Variants in BIN3 observed in about 807,000 individuals in gnomAD.
BIN3 encodes the protein bridging integrator 3.
In BIN3, 41 loss-of-function variants were observed where a neutral mutation model predicts 38.2. The ratio of observed to expected loss-of-function variants is 1.07; its 90% CI spans 0.84 to 1.39. The LOEUF (loss-of-function observed/expected upper bound fraction) is 1.39. BIN3 is among the 40% of genes most tolerant of loss of function. The pLI, the probability that BIN3 is intolerant of heterozygous loss-of-function variation, is 0.00. For synonymous variants in BIN3, 145 were observed against 122.6 expected, an observed-to-expected ratio of 1.18 and a Z score of -1.21; for missense variants, 361 against 324.3, an observed-to-expected ratio of 1.11 and a Z score of -0.87.
At chr8:22,654,696 C>T (rs1803003277) in intron 1 of BIN3, among the ~76,000 whole-genome samples, 1 of 152,144 alleles carries the variant, frequency 6.6e-6, no homozygotes, top group East Asian at 1.9e-4. Context: ...AATACTAGTT[C>T]AGTGTATGGA....
At chr8:22,624,604 C>A in intron 6 of BIN3, 1 of 504,166 alleles carries the variant, frequency 2.0e-6, no homozygotes, top group East Asian at 3.4e-5. Flanking sequence ...GGAGCTTGTG[C>A]GAACGTGGAC....
At chr8:22,633,121 G>A (rs1802259984) in intron 4 of BIN3, among the ~76,000 whole-genome samples, 1 of 152,218 alleles carries the variant, frequency 6.6e-6, no homozygotes, top group Admixed American at 6.5e-5. Flanking sequence ...TCCCCGCCCA[G>A]TGATGCCCCC....
At chr8:22,651,159 C>T (rs986859724) in intron 1 of BIN3, among the ~76,000 whole-genome samples, 1 of 152,220 alleles carries the variant, frequency 6.6e-6, no homozygotes, top group Admixed American at 6.5e-5. Flanking sequence ...AGCAGTAATA[C>T]ATAAATAACA....
intron 1 of BIN3, among the ~76,000 whole-genome samples, chr8:22,650,406 T>C (rs1214476250): frequency 2.6e-5 from 4 of 152,238 alleles, no homozygotes; most frequent in Non-Finnish European, 4.4e-5. Flanking sequence ...TTTTGATTAG[T>C]GTGAAATCAA....
At chr8:22,649,198 C>T (rs60449376) in intron 1 of BIN3, among the ~76,000 whole-genome samples, 2,315 of 152,264 alleles carry the variant, frequency 0.015, 58 homozygotes, top group African/African-American at 0.052. Context: ...TTGGAGTACA[C>T]GTCATCAGGA....
At chr8:22,652,614 G>T (rs989765399) in intron 1 of BIN3, among the ~76,000 whole-genome samples, 1 of 152,226 alleles carries the variant, frequency 6.6e-6, no homozygotes, top group Non-Finnish European at 1.5e-5. Context: ...CCTCAGCTGT[G>T]CTGGCTGCCC....
At chr8:22,629,833 C>G in intron 6 of BIN3, 131 bp downstream of exon 6, 2 of 887,246 alleles carry the variant, frequency 2.3e-6, no homozygotes, top group Non-Finnish European at 1.8e-6. Flanking sequence ...AGCTGACGTC[C>G]CCACTGAGTT....
intron 4 of BIN3, among the ~76,000 whole-genome samples, chr8:22,630,841 C>T (rs1411714285): frequency 1.3e-5 from 2 of 152,166 alleles, no homozygotes; most frequent in East Asian, 3.9e-4. Flanking sequence ...AGAAAAGGAC[C>T]ATCTGGGTGG....
chr8:22,640,885 C>T (rs910858484), intron 2 of BIN3, among the ~76,000 whole-genome samples: 3 of 152,042 alleles, frequency 2.0e-5, no homozygotes, highest in East Asian at 1.9e-4. Flanking sequence ...GGGGTGGGAG[C>T]GCGTTTTCTA....
At position 22,634,457 on chromosome 8, in the gene BIN3, T is replaced by G. The variant is rs577868135; in HGVS notation, c.160+2068A>C. ...CGGCGGCTCCCAGGGAAGGAACGCTTTCCTTTTGTGATCAGTGCTTTGTAG... is the reference window on the plus strand; with the variant it reads ...CGGCGGCTCCCAGGGAAGGAACGCTGTCCTTTTGTGATCAGTGCTTTGTAG... On this transcript the variant is annotated intron_variant, in intron 4 of 8. Coordinates refer to ENST00000276416, the MANE Select transcript of BIN3 (RefSeq NM_018688.6). The G allele has an allele frequency of 4.3e-4, 196 of 456,226 alleles. 2 individuals are homozygous for G. The highest frequency in any genetic ancestry group is 3.7e-3 in the African/African-American group (184 of 50,202). 28.3% of individuals were successfully genotyped at this position (456,226 alleles called of 1,614,324 possible). A position where few individuals can be genotyped will look rare whatever the true frequency, so the allele number is the denominator to read the frequency against.
intron 2 of BIN3, among the ~76,000 whole-genome samples, chr8:22,640,101 A>AT (rs1802495662): frequency 6.6e-6 from 1 of 151,770 alleles, no homozygotes; most frequent in African/African-American, 2.4e-5. Context: ...ACCTCAGGTG[A>AT]TCCCCCCCGC....
chr8:22,640,841 T>C (rs961792848), intron 2 of BIN3, among the ~76,000 whole-genome samples: 1 of 152,162 alleles, frequency 6.6e-6, no homozygotes, highest in Admixed American at 6.5e-5. Flanking sequence ...GCTGAGGAAC[T>C]TGAGGTCTCA....
chr8:22,652,915 AG>A (rs1802948334), intron 1 of BIN3, among the ~76,000 whole-genome samples: 1 of 152,224 alleles, frequency 6.6e-6, no homozygotes, highest in Non-Finnish European at 1.5e-5. Context: ...AGAGTAAAAA[AG>A]GTAATTCCCT....
chr8:22,658,436 G>C (rs965766435), intron 1 of BIN3, among the ~76,000 whole-genome samples: 2 of 152,220 alleles, frequency 1.3e-5, no homozygotes, highest in African/African-American at 4.8e-5. Context: ...AATTCTGTCT[G>C]TCTCAGTAAA....
At chr8:22,662,732 C>A (rs1192771609) in intron 1 of BIN3, among the ~76,000 whole-genome samples, 6 of 152,100 alleles carry the variant, frequency 3.9e-5, no homozygotes, top group Non-Finnish European at 7.3e-5. Context: ...GCTACACAGT[C>A]TTCCATTATA....
At chr8:22,622,938 C>G (rs923271176) in intron 8 of BIN3, among the ~76,000 whole-genome samples, 1 of 152,224 alleles carries the variant, frequency 6.6e-6, no homozygotes, top group Non-Finnish European at 1.5e-5. Context: ...GAACCCTGCT[C>G]AGGTGTCCTG....
At chr8:22,623,773 G>C (rs1224730185) in intron 8 of BIN3, 142 bp downstream of exon 8, 8 of 1,111,970 alleles carry the variant, frequency 7.2e-6, no homozygotes, top group African/African-American at 6.3e-5. Flanking sequence ...TCTGGTAATG[G>C]AATGAATTCC....
At chr8:22,635,936 C>A (rs1585185948) in intron 4 of BIN3, among the ~76,000 whole-genome samples, 2 of 152,196 alleles carry the variant, frequency 1.3e-5, no homozygotes. Context: ...AGGCCTGGTT[C>A]CTCCTTGTTT....
intron 1 of BIN3, among the ~76,000 whole-genome samples, chr8:22,650,103 T>C (rs1802844313): frequency 6.6e-6 from 1 of 152,180 alleles, no homozygotes; most frequent in South Asian, 2.1e-4. Flanking sequence ...CATCACTTAC[T>C]GCTGGTCATT....
Sources: gnomAD v4.1 joint callset for allele counts (sites outside exome capture counted in the v4.1 genomes callset) on GRCh38, gnomAD v4.1.1 for gene constraint, MANE v1.5 for transcripts, NCBI Gene and HGNC (gene_info 2026-07-23, HGNC 2026-07-21) for gene names.